Variants in TMBIM6 observed in about 807,000 individuals in gnomAD.
TMBIM6 encodes the protein bax inhibitor 1.
A neutral mutation model predicts 31.4 loss-of-function variants in TMBIM6; 13 were observed. The observed-to-expected ratio is 0.41, with a 90% CI of 0.27 to 0.66. The LOEUF is 0.66. Among genes scored for constraint, TMBIM6 ranks in the 30% least tolerant of loss-of-function variants. The pLI, the probability that TMBIM6 is intolerant of heterozygous loss-of-function variation, is 0.28. For missense variants in TMBIM6, 275 were observed against 289.5 expected, an observed-to-expected ratio of 0.95 and a Z score of 0.36; for synonymous variants, 85 against 101.7, an observed-to-expected ratio of 0.84 and a Z score of 0.99.
chr12:49,758,303 C>T (rs1945644710), intron 5 of TMBIM6, 28 bp downstream of exon 5: 14 of 1,614,090 alleles, frequency 8.7e-6, no homozygotes, highest in Non-Finnish European at 1.2e-5. Flanking sequence ...GTCTTATGTG[C>T]TTTTATCTTT....
chr12:49,762,131 T>A (rs751678567), intron 9 of TMBIM6: 5 of 230,410 alleles, frequency 2.2e-5, no homozygotes, highest in Non-Finnish European at 2.5e-5. Context: ...TTTATCCATT[T>A]GTTAATTTTT....
At chr12:49,745,211 A>AT (rs146791501) in intron 1 of TMBIM6, among the ~76,000 whole-genome samples, 3,386 of 152,192 alleles carry the variant, frequency 0.022, 132 homozygotes, top group African/African-American at 0.078. Flanking sequence ...GCTTTTGCGC[A>AT]TTTACTTCAT....
rs1194510519 is a variant in TMBIM6, at chr12:49,763,006, G to A, written c.*110G>A. On this transcript the variant is annotated 3_prime_UTR_variant, in exon 10 of 10. Coordinates refer to ENST00000267115, the MANE Select transcript of TMBIM6 (RefSeq NM_003217.3). Reference sequence around the variant, plus strand: ...TGTGATAATGAAAAGCATCAGAAAAGCTTTTGTACTTTGTGGTTTCCTCTA... The same window carrying A: ...TGTGATAATGAAAAGCATCAGAAAAACTTTTGTACTTTGTGGTTTCCTCTA... 1.4e-5 allele frequency: 17 copies of A among 1,248,268 alleles called. No homozygotes were observed. In the East Asian group the frequency reaches 4.0e-4, roughly 29 times the overall value. 77.3% of individuals were successfully genotyped at this position (1,248,268 alleles called of 1,614,324 possible). A position where few individuals can be genotyped will look rare whatever the true frequency, so the allele number is the denominator to read the frequency against.
At chr12:49,759,980 C>T (rs190622998) in intron 8 of TMBIM6, among the ~76,000 whole-genome samples, 10 of 151,264 alleles carry the variant, frequency 6.6e-5, no homozygotes, top group Admixed American at 4.0e-4. Context: ...GGCGTGGTGG[C>T]GGGCACCTGT....
Position 49,758,211 on chromosome 12 carries a change from G to A in TMBIM6, c.287-16G>A. 6.2e-7 allele frequency: 1 copy of A among 1,614,110 alleles called. No homozygotes were observed. The highest frequency in any genetic ancestry group is 1.7e-5 in the Admixed American group (1 of 60,004). ...AATTGATCGTAATACTGTGTTCTGG[G>A]TTTTCTGTTTTCTAGGAGTTGGCCT... On this transcript the variant is annotated splice_polypyrimidine_tract_variant and intron_variant, in intron 4 of 9. Coordinates refer to ENST00000267115, the MANE Select transcript of TMBIM6 (RefSeq NM_003217.3).
intron 1 of TMBIM6, among the ~76,000 whole-genome samples, chr12:49,746,340 T>C (rs550521536): frequency 1.3e-5 from 2 of 152,238 alleles, no homozygotes; most frequent in East Asian, 3.9e-4. Context: ...TGCCTCAGCC[T>C]CCCAAAGTGC....
chr12:49,759,908 C>G (rs1340071483), intron 8 of TMBIM6, among the ~76,000 whole-genome samples: 1 of 151,146 alleles, frequency 6.6e-6, no homozygotes, highest in African/African-American at 2.4e-5. Flanking sequence ...GTCAGGAGAT[C>G]GAAACCATCC....
Position 49,758,433 on chromosome 12 carries a change from C to A in TMBIM6, c.386C>A (p.Thr129Asn), listed in dbSNP as rs1049598119. The change falls in exon 6 of 10, where the codon ACC becomes AAC. Residue 129 changes from threonine (T) to asparagine (N), a missense_variant. Thr to Asn is a moderately conservative substitution (Grantham distance 65, BLOSUM62 0). Coordinates refer to ENST00000267115, the MANE Select transcript of TMBIM6 (RefSeq NM_003217.3). Reference protein sequence around the residue: ...MGTAMIFTCFTLSALYARRRS... With the variant: ...MGTAMIFTCFNLSALYARRRS... ...ACGGCAATGATCTTTACCTGCTTCA[C>A]CCTCAGTGCACTCTATGCCAGGCGC... is the stretch of plus-strand genomic sequence containing the variant. The A allele has an allele frequency of 6.2e-7, 1 of 1,614,094 alleles. No homozygotes were observed. Among genetic ancestry groups the A allele is most frequent in the Non-Finnish European group, 8.5e-7 (1 of 1,180,040 alleles).
intron 7 of TMBIM6, 164 bp from the exon 8 acceptor site, chr12:49,759,057 G>A: frequency 3.1e-6 from 2 of 652,092 alleles, no homozygotes; most frequent in Non-Finnish European, 5.4e-6. Flanking sequence ...TGTGCCTAGG[G>A]AAGTAAAGTG....
intron 4 of TMBIM6, among the ~76,000 whole-genome samples, chr12:49,756,801 A>G (rs1945606794): frequency 6.7e-6 from 1 of 150,222 alleles, no homozygotes; most frequent in Non-Finnish European, 1.5e-5. Context: ...CAGTGGCACG[A>G]TCTTGGCTCA....
At chr12:49,761,000 C>T (rs1025640594) in intron 8 of TMBIM6, among the ~76,000 whole-genome samples, 5 of 151,906 alleles carry the variant, frequency 3.3e-5, no homozygotes, top group African/African-American at 1.2e-4. Context: ...CCACCATGCC[C>T]GGCTAATTTT....
At chr12:49,742,135 T>C in intron 1 of TMBIM6, 1 of 1,604,216 alleles carries the variant, frequency 6.2e-7, no homozygotes, top group South Asian at 1.1e-5. Context: ...GGCGGGCGGG[T>C]GATGTCACAC....
At position 49,764,618 on chromosome 12, in the gene TMBIM6, A is replaced by G. The variant is rs932534753; in HGVS notation, c.*1722A>G. The G allele has an allele frequency of 1.3e-5, 2 of 151,560 alleles. No homozygotes were observed. Among genetic ancestry groups the G allele is most frequent in the Non-Finnish European group, 2.9e-5 (2 of 67,994 alleles). The allele number at this position is 151,560 out of a possible 1,614,324, so 9.4% of individuals were successfully genotyped here. The stretch of plus-strand genomic sequence containing the variant: ...TCTGCTAGGCCTAAGATTTTGAGTT[A>G]ACATCTCTTGAAGCCAAACTCCACC... On this transcript the variant is annotated 3_prime_UTR_variant, in exon 10 of 10. Transcript: ENST00000267115.
chr12:49,742,216 G>A, intron 1 of TMBIM6: 1 of 1,613,454 alleles, frequency 6.2e-7, no homozygotes, highest in Non-Finnish European at 8.5e-7. Context: ...GGAGTCTGGG[G>A]CTGGGGCTGC....
intron 1 of TMBIM6, among the ~76,000 whole-genome samples, chr12:49,745,446 C>T (rs1022272502): frequency 1.3e-5 from 2 of 152,092 alleles, no homozygotes; most frequent in African/African-American, 4.8e-5. Flanking sequence ...TACTTCAGGC[C>T]AGGCATGGTG....
chr12:49,754,778 CA>C (rs1262582782), intron 3 of TMBIM6, among the ~76,000 whole-genome samples: 63 of 152,280 alleles, frequency 4.1e-4, no homozygotes, highest in African/African-American at 1.4e-3. Flanking sequence ...TTTCTTACTA[CA>C]AAGCTAATAT....
rs374987220 is a variant in TMBIM6, at chr12:49,755,802, A to T, written c.286+47A>T. Reference sequence around the variant, plus strand: ...ATTTTGAGGGGTGAGCTATATTTTCAGTATCTCTTAATTAGTTCCCCCCCC... The same window carrying T: ...ATTTTGAGGGGTGAGCTATATTTTCTGTATCTCTTAATTAGTTCCCCCCCC... On this transcript the variant is annotated intron_variant, in intron 4 of 9. Coordinates refer to ENST00000267115, the MANE Select transcript of TMBIM6 (RefSeq NM_003217.3). The T allele has an allele frequency of 1.1e-5, 18 of 1,577,404 alleles. No individual in the cohort carries two copies. The African/African-American group carries it at 2.5e-4, about 22-fold the overall frequency.
At position 49,764,229 on chromosome 12, in the gene TMBIM6, G is replaced by A. The variant is rs1945773903; in HGVS notation, c.*1333G>A. 1 of 152,142 alleles carries A rather than the reference G, an allele frequency of 6.6e-6. No homozygotes were observed. The highest frequency in any genetic ancestry group is 1.5e-5 in the Non-Finnish European group (1 of 68,052). 9.4% of individuals were successfully genotyped at this position (152,142 alleles called of 1,614,324 possible). A position where few individuals can be genotyped will look rare whatever the true frequency, so the allele number is the denominator to read the frequency against. On this transcript the variant is annotated 3_prime_UTR_variant, in exon 10 of 10. Coordinates refer to ENST00000267115, the MANE Select transcript of TMBIM6 (RefSeq NM_003217.3). Reference sequence around the variant, plus strand: ...TGCCACAGACAGCTACCCCCAGAAGGGTCAATGTTGGGAGTGGTTGTGGCT... The same window carrying A: ...TGCCACAGACAGCTACCCCCAGAAGAGTCAATGTTGGGAGTGGTTGTGGCT...
In TMBIM6 at chr12:49,761,617, A is replaced by AGGGGG. The variant is rs1945720982; in HGVS notation, c.615-83_615-82insGGGGG. Reference sequence around the variant, plus strand: ...GTGGGAGAAGCTGGCTCGTGGGGGTAGGGGTGGGGTTTATATTCTGCATCT... The same window carrying AGGGGG: ...GTGGGAGAAGCTGGCTCGTGGGGGTAGGGGGGGGGTGGGGTTTATATTCTGCATCT... On this transcript the variant is annotated intron_variant, in intron 8 of 9. Transcript: ENST00000267115. 3.4e-6 allele frequency: 4 copies of AGGGGG among 1,178,212 alleles called. No homozygotes were observed. In the African/African-American group the frequency reaches 4.7e-5, roughly 14 times the overall value. 73.0% of individuals were successfully genotyped at this position (1,178,212 alleles called of 1,614,324 possible).
Sources: allele counts gnomAD v4.1 joint callset (sites outside exome capture counted in the v4.1 genomes callset), GRCh38; gene constraint gnomAD v4.1.1; transcripts MANE v1.5; gene names NCBI Gene and HGNC (gene_info 2026-07-23, HGNC 2026-07-21).